The following WDR25 variants were observed in gnomAD, a reference collection of about 807,000 sequenced individuals.
WDR25 encodes the protein WD repeat domain 25.
WDR25 carries 35 observed loss-of-function variants against 47.7 expected under a neutral mutation model. That is an observed-to-expected ratio of 0.73 (90% CI 0.56 to 0.97). The LOEUF (loss-of-function observed/expected upper bound fraction) is 0.97. Ranked by LOEUF, WDR25 falls within the 50% of genes least tolerant of loss-of-function variation. The pLI is 0.00. For missense variants in WDR25, 634 were observed against 704.7 expected (o/e 0.90, Z 1.14); for synonymous variants, 248 against 278.9 (o/e 0.89, Z 1.10).
At chr14:100,527,115 C>T (rs1448254038) in intron 5 of WDR25, among the ~76,000 whole-genome samples, 1 of 151,312 alleles carries the variant, frequency 6.6e-6, no homozygotes, top group Non-Finnish European at 1.5e-5. Flanking sequence ...CATTACACCA[C>T]CCCATCTCTG....
chr14:100,471,456 G>C (rs1245908071), intron 3 of WDR25, among the ~76,000 whole-genome samples: 1 of 152,194 alleles, frequency 6.6e-6, no homozygotes, highest in Non-Finnish European at 1.5e-5. Flanking sequence ...AGCCATTGGG[G>C]TGGGCTCTGC....
intron 2 of WDR25, among the ~76,000 whole-genome samples, chr14:100,405,870 C>T (rs900227607): frequency 1.3e-5 from 2 of 152,204 alleles, no homozygotes; most frequent in Admixed American, 6.5e-5. Flanking sequence ...TTCTCTGTAA[C>T]TGGCCATTTG....
chr14:100,529,806 G>T lies in WDR25; in HGVS notation c.1414-14G>T, dbSNP rs1332590086. On this transcript the variant is annotated splice_polypyrimidine_tract_variant and intron_variant, in intron 6 of 6. Transcript: ENST00000402312. This position sits in a 1 kb window ranked among gnomAD's most constrained non-coding sequence, Gnocchi z 5.1. ...CAGGTGCGGCTTGCTCACCCACTGT[G>T]TCCCTCTCTGCAGGTGGAGGGCTAC... 29 of 1,609,372 alleles carry T rather than the reference G, an allele frequency of 1.8e-5. No individual in the cohort carries two copies. In the Middle Eastern group the frequency reaches 6.1e-4, roughly 34 times the overall value.
Position 100,501,086 on chromosome 14 carries a change from G to A in WDR25, c.1101+16962G>A, listed in dbSNP as rs1595151556. On this transcript the variant is annotated intron_variant, in intron 4 of 6. Coordinates refer to ENST00000402312, the MANE Select transcript of WDR25 (RefSeq NM_001161476.3). The stretch of plus-strand genomic sequence containing the variant: ...CCTGGTGTAGTGCATGGTACAGAGG[G>A]GTCCGGCTTGAATGTCAGGCCATGG... 2.6e-5 allele frequency among the ~76,000 whole-genome samples: 4 copies of A among 152,262 alleles called. No individual in the cohort carries two copies. In the South Asian group the frequency reaches 8.3e-4, roughly 32 times the overall value.
intron 3 of WDR25, among the ~76,000 whole-genome samples, chr14:100,473,615 G>C: frequency 6.6e-6 from 1 of 152,202 alleles, no homozygotes; most frequent in East Asian, 1.9e-4. Flanking sequence ...CCTCTTCAGT[G>C]ATGGATGGCC....
chr14:100,521,201 C>G (rs58500318), intron 4 of WDR25, among the ~76,000 whole-genome samples: 15,166 of 151,120 alleles, frequency 0.1, 2,525 homozygotes, highest in African/African-American at 0.35. Flanking sequence ...CACACACACA[C>G]ACAGAGAGAG....
At chr14:100,474,530 A>G (rs1362443753) in intron 3 of WDR25, among the ~76,000 whole-genome samples, 1 of 152,252 alleles carries the variant, frequency 6.6e-6, no homozygotes, top group African/African-American at 2.4e-5. Context: ...TAAGGCTGCC[A>G]TTATTGACTG....
In WDR25 at chr14:100,523,536, A is replaced by G. The variant is rs1024204026; in HGVS notation, c.1102-2334A>G. On this transcript the variant is annotated intron_variant, in intron 4 of 6. Transcript: ENST00000402312. This position sits in a 1 kb window ranked among gnomAD's most constrained non-coding sequence, Gnocchi z 4.7. The stretch of plus-strand genomic sequence containing the variant: ...TGATGACTCAAAAACTAGACCTAGG[A>G]AGGGAACGAACCTTCCCCAGGCACA... 6.6e-6 allele frequency among the ~76,000 whole-genome samples: 1 copy of G among 152,094 alleles called. No individual in the cohort carries two copies. The highest frequency in any genetic ancestry group is 2.4e-5 in the African/African-American group (1 of 41,396).
chr14:100,518,993 C>T (rs188457876), intron 4 of WDR25, among the ~76,000 whole-genome samples: 1 of 151,374 alleles, frequency 6.6e-6, no homozygotes, highest in East Asian at 1.9e-4. Flanking sequence ...TCAGCTTGAT[C>T]ATTTGGGCAG....
At chr14:100,476,750 A>G (rs1900030875) in intron 3 of WDR25, among the ~76,000 whole-genome samples, 1 of 152,158 alleles carries the variant, frequency 6.6e-6, no homozygotes, top group South Asian at 2.1e-4. Flanking sequence ...TGATGCGTGC[A>G]AGCTCCAGAC....
intron 4 of WDR25, among the ~76,000 whole-genome samples, chr14:100,510,667 C>T (rs139471175): frequency 0.011 from 1,735 of 151,648 alleles, 30 homozygotes; most frequent in African/African-American, 0.04. Flanking sequence ...ACCCGGGAGC[C>T]GGAGGTTGCA....
intron 2 of WDR25, among the ~76,000 whole-genome samples, chr14:100,386,284 T>A (rs1897015053): frequency 6.6e-6 from 1 of 152,196 alleles, no homozygotes; most frequent in African/African-American, 2.4e-5. Flanking sequence ...CAGTGCCTCA[T>A]TAACATGAGG....
chr14:100,458,050 C>T (rs1317889289), intron 2 of WDR25, among the ~76,000 whole-genome samples: 1 of 151,898 alleles, frequency 6.6e-6, no homozygotes, highest in African/African-American at 2.4e-5. Context: ...AGATTTAAAC[C>T]CAAACCATAT....
intron 2 of WDR25, among the ~76,000 whole-genome samples, chr14:100,446,570 A>G (rs1475099557): frequency 6.6e-6 from 1 of 151,362 alleles, no homozygotes; most frequent in Non-Finnish European, 1.5e-5. Context: ...AAAAAAAAAA[A>G]AGTAAAAATG....
chr14:100,463,700 C>T (rs562792685), intron 2 of WDR25, among the ~76,000 whole-genome samples: 1 of 152,206 alleles, frequency 6.6e-6, no homozygotes, highest in Admixed American at 6.5e-5. Flanking sequence ...TGTCTGCTGT[C>T]TGTCATTCAA....
chr14:100,381,497 A>G lies in WDR25; in HGVS notation c.573A>G (p.Thr191=), dbSNP rs1896895920. 6.2e-7 allele frequency: 1 copy of G among 1,614,196 alleles called. No homozygotes were observed. The highest frequency in any genetic ancestry group is 8.5e-7 in the Non-Finnish European group (1 of 1,180,028). The change falls in exon 2 of 7, where the codon ACA becomes ACG. Residue 191 remains threonine, a synonymous_variant. Coordinates refer to ENST00000402312, the MANE Select transcript of WDR25 (RefSeq NM_001161476.3). ...LRQRQALSTE[T]GKGKDVEPQG... is the part of the protein sequence containing the mutation. ...AGCGGCAGGCATTAAGCACGGAGACAGGCAAGGGTAAAGACGTGGAGCCAC... is the reference window on the plus strand; with the variant it reads ...AGCGGCAGGCATTAAGCACGGAGACGGGCAAGGGTAAAGACGTGGAGCCAC...
Position 100,500,882 on chromosome 14 carries a change from C to G in WDR25, c.1101+16758C>G. Among the ~76,000 whole-genome samples the G allele has an allele frequency of 6.6e-6, 1 of 152,126 alleles. No homozygotes were observed. The highest frequency in any genetic ancestry group is 1.5e-5 in the Non-Finnish European group (1 of 68,028). ...TTTTTCACTTGAGAGGATCAACACA[C>G]AAATACATGTGTAATTGTCTATTTC... On this transcript the variant is annotated intron_variant, in intron 4 of 6. Coordinates refer to ENST00000402312, the MANE Select transcript of WDR25 (RefSeq NM_001161476.3). This position sits in a 1 kb window ranked among gnomAD's most constrained non-coding sequence, Gnocchi z 4.7.
intron 2 of WDR25, among the ~76,000 whole-genome samples, chr14:100,420,190 C>T (rs1327231097): frequency 1.3e-5 from 2 of 152,244 alleles, no homozygotes; most frequent in African/African-American, 4.8e-5. Flanking sequence ...CTCCACAGCC[C>T]CCATCTGCAC....
intron 2 of WDR25, among the ~76,000 whole-genome samples, chr14:100,399,047 A>G (rs370764312): frequency 1.3e-5 from 2 of 152,048 alleles, no homozygotes; most frequent in South Asian, 4.2e-4. Flanking sequence ...CCTTAATGGT[A>G]GCTGTTTAGT....
Sources: allele counts gnomAD v4.1 joint callset (sites outside exome capture counted in the v4.1 genomes callset), GRCh38; gene constraint gnomAD v4.1.1; non-coding constraint Gnocchi (gnomAD v3.1); transcripts MANE v1.5; gene names NCBI Gene and HGNC (gene_info 2026-07-23, HGNC 2026-07-21).